The following PRDM11 variants were observed in gnomAD, a reference collection of about 807,000 sequenced individuals.
PRDM11 encodes the protein PR domain-containing protein 11.
In PRDM11, 20 loss-of-function variants were observed where a neutral mutation model predicts 97.8. The observed-to-expected ratio is 0.20, with a 90% CI of 0.14 to 0.30. The LOEUF is 0.30. PRDM11 is among the 10% of genes least tolerant of loss of function. The pLI, the probability that PRDM11 is intolerant of heterozygous loss-of-function variation, is 1.00. For missense variants in PRDM11, 1,139 were observed against 1,555.2 expected, an observed-to-expected ratio of 0.73 and a Z score of 4.50; for synonymous variants, 599 against 637.7, an observed-to-expected ratio of 0.94 and a Z score of 0.91.
chr11:45,157,107 C>A (rs866723029), intron 1 of PRDM11, among the ~76,000 whole-genome samples: 6 of 152,088 alleles, frequency 3.9e-5, no homozygotes, highest in Non-Finnish European at 7.4e-5. Context: ...AGCTTTGCGC[C>A]ACAGAAACTC....
intron 1 of PRDM11, among the ~76,000 whole-genome samples, chr11:45,130,628 A>G (rs1852696484): frequency 2.0e-5 from 3 of 152,214 alleles, no homozygotes; most frequent in Non-Finnish European, 1.5e-5. Context: ...AATTGATACA[A>G]TTACTTTGGA....
intron 1 of PRDM11, among the ~76,000 whole-genome samples, chr11:45,155,523 G>A (rs942540986): frequency 2.0e-5 from 3 of 152,128 alleles, no homozygotes; most frequent in African/African-American, 7.2e-5. Context: ...AACCCAAACA[G>A]AGTGTCATTT....
At chr11:45,099,569 T>A (rs763413654) in intron 1 of PRDM11, among the ~76,000 whole-genome samples, 12 of 152,082 alleles carry the variant, frequency 7.9e-5, no homozygotes, top group Non-Finnish European at 1.3e-4. Context: ...TTACTTTTTT[T>A]ATTTTTAATT....
intron 1 of PRDM11, among the ~76,000 whole-genome samples, chr11:45,147,080 G>A (rs1385595461): frequency 1.3e-5 from 2 of 148,484 alleles, no homozygotes; most frequent in Non-Finnish European, 3.0e-5. Context: ...CCGTGGCCGC[G>A]AGGTGGGTGA....
intron 4 of PRDM11, among the ~76,000 whole-genome samples, chr11:45,183,588 T>G (rs1852597047): frequency 1.3e-5 from 2 of 152,132 alleles, no homozygotes; most frequent in African/African-American, 4.8e-5. Context: ...GAGCAGACGA[T>G]CTGGTAGGAA....
intron 5 of PRDM11, chr11:45,213,862 C>A: frequency 2.5e-6 from 1 of 402,882 alleles, no homozygotes; most frequent in South Asian, 1.8e-5. Flanking sequence ...GAGGCCAGAT[C>A]TGGAGTAGTG....
chr11:45,119,619 C>CAAAAAAAAAAAAAA (rs56367204), intron 1 of PRDM11, among the ~76,000 whole-genome samples: 6 of 43,062 alleles, frequency 1.4e-4, no homozygotes, highest in African/African-American at 8.0e-4. Flanking sequence ...GATTCTGTCT[C>CAAAAAAAAAAAAAA]AAAAAAAAAA....
At position 45,215,429 on chromosome 11, in the gene PRDM11, G is replaced by A. The variant is rs1022162679; in HGVS notation, c.555-4141G>A. On this transcript the variant is annotated intron_variant, in intron 5 of 7. Transcript: ENST00000683152. Reference sequence around the variant, plus strand: ...AGAAATGGAGGACTACCCAATTTCCGAGAGATGCAAAGATGTCGTGAAACC... The same window carrying A: ...AGAAATGGAGGACTACCCAATTTCCAAGAGATGCAAAGATGTCGTGAAACC... 4.6e-5 allele frequency among the ~76,000 whole-genome samples: 7 copies of A among 152,178 alleles called. No homozygotes were observed. The South Asian group carries it at 6.2e-4, about 14-fold the overall frequency.
intron 1 of PRDM11, among the ~76,000 whole-genome samples, chr11:45,134,775 A>C (rs369388784): frequency 6.8e-6 from 1 of 146,564 alleles, no homozygotes; most frequent in Non-Finnish European, 1.5e-5. Context: ...TTTAATTTTT[A>C]AAAAATGTAT....
At chr11:45,150,925 G>C (rs758413860) in intron 1 of PRDM11, among the ~76,000 whole-genome samples, 4 of 152,204 alleles carry the variant, frequency 2.6e-5, no homozygotes, top group East Asian at 1.9e-4. Context: ...CAGATTGAGA[G>C]ACTATGGCTA....
chr11:45,164,425 G>T (rs140722272), intron 1 of PRDM11, among the ~76,000 whole-genome samples: 1 of 152,226 alleles, frequency 6.6e-6, no homozygotes, highest in Non-Finnish European at 1.5e-5. Context: ...GCAGCCTTTG[G>T]GCTAATTTTA....
In PRDM11 at chr11:45,224,644, C is replaced by T. The variant is rs578069391; in HGVS notation, c.1170C>T (p.Ala390=). ...AAGAGGAGCCTTCATCATTCAAGGC[C>T]GACAGTCCTGCCGAGGCCTCCCTTG... is the stretch of plus-strand genomic sequence containing the variant. ...DEEEEPSSFK[A]DSPAEASLAS... Residue 390 remains alanine, a synonymous_variant, in exon 7 of 8, where the codon GCC becomes GCT. Transcript: ENST00000683152. 165 of 1,614,176 alleles carry T rather than the reference C, an allele frequency of 1.0e-4. No individual in the cohort carries two copies. The highest frequency in any genetic ancestry group is 1.2e-4 in the Non-Finnish European group (146 of 1,180,028).
At chr11:45,164,537 G>A (rs546446783) in intron 1 of PRDM11, among the ~76,000 whole-genome samples, 1 of 152,364 alleles carries the variant, frequency 6.6e-6, no homozygotes, top group African/African-American at 2.4e-5. Context: ...CGTGAGGGCT[G>A]TGGTGAGCCC....
chr11:45,188,286 G>T (rs1852782553), intron 4 of PRDM11, among the ~76,000 whole-genome samples: 1 of 152,196 alleles, frequency 6.6e-6, no homozygotes, highest in South Asian at 2.1e-4. Flanking sequence ...TGTGACATAG[G>T]TATTATTCCA....
rs1854285031 is a variant in PRDM11 at position 45,226,773 on chromosome 11, G to T, written c.2148G>T (p.Leu716Phe). The T allele has an allele frequency of 3.3e-6, 5 of 1,533,846 alleles. No individual in the cohort carries two copies. Among genetic ancestry groups the T allele is most frequent in the Non-Finnish European group, 4.4e-6 (5 of 1,146,732 alleles). ...LQALDRAFSA[L>F]GIRLQDEKPT... is the part of the protein sequence containing the mutation. Reference sequence around the variant, plus strand: ...CACTTGACCGGGCCTTCTCGGCCTTGGGCATCCGGTTGCAGGATGAAAAGC... The same window carrying T: ...CACTTGACCGGGCCTTCTCGGCCTTTGGCATCCGGTTGCAGGATGAAAAGC... The change falls in exon 8 of 8, where the codon TTG becomes TTT. Residue 716 changes from leucine (L) to phenylalanine (F), a missense_variant. By Grantham distance (22) the Leu-to-Phe change is conservative. Transcript: ENST00000683152.
intron 1 of PRDM11, among the ~76,000 whole-genome samples, chr11:45,114,219 G>A (rs79436164): frequency 1.3e-5 from 2 of 152,050 alleles, no homozygotes; most frequent in East Asian, 3.9e-4. Context: ...AATGAATAGA[G>A]GGAAAATCAC....
intron 5 of PRDM11, among the ~76,000 whole-genome samples, chr11:45,208,176 C>T (rs1049968599): frequency 3.9e-5 from 6 of 152,270 alleles, no homozygotes; most frequent in African/African-American, 1.4e-4. Context: ...AGCAGCCCAC[C>T]CCCGAAGAAA....
intron 1 of PRDM11, among the ~76,000 whole-genome samples, chr11:45,112,302 A>G (rs1326026095): frequency 6.6e-6 from 1 of 152,230 alleles, no homozygotes; most frequent in African/African-American, 2.4e-5. Context: ...GTAATATTCC[A>G]TGGTGTATAT....
chr11:45,122,015 TAAAC>T (rs1337886943), intron 1 of PRDM11, among the ~76,000 whole-genome samples: 1 of 150,670 alleles, frequency 6.6e-6, no homozygotes, highest in Non-Finnish European at 1.5e-5. Context: ...GGAAGATAGA[TAAAC>T]AACAGCAAAT....
Sources: allele counts gnomAD v4.1 joint callset (sites outside exome capture counted in the v4.1 genomes callset), GRCh38; gene constraint gnomAD v4.1.1; transcripts MANE v1.5; gene names NCBI Gene and HGNC (gene_info 2026-07-23, HGNC 2026-07-21).